Variants in PDZD8 observed in about 807,000 individuals in gnomAD.
PDZD8 encodes PDZ domain-containing protein 8.
A neutral mutation model predicts 85.8 loss-of-function variants in PDZD8; 14 were observed. The observed-to-expected ratio is 0.16, with a 90% CI of 0.11 to 0.26. PDZD8 has a LOEUF of 0.26. Ranked by LOEUF, PDZD8 falls within the 10% of genes least tolerant of loss-of-function variation. PDZD8 has a pLI of 1.00. For missense variants in PDZD8, 1,197 were observed against 1,424.3 expected, an observed-to-expected ratio of 0.84 and a Z score of 2.57; for synonymous variants, 592 against 568.6, an observed-to-expected ratio of 1.04 and a Z score of -0.59.
At chr10:117,320,357 C>T (rs1475298821) in intron 2 of PDZD8, among the ~76,000 whole-genome samples, 1 of 152,088 alleles carries the variant, frequency 6.6e-6, no homozygotes, top group Admixed American at 6.6e-5. Context: ...AGGTATAAAT[C>T]TTCAGAATTC....
intron 3 of PDZD8, among the ~76,000 whole-genome samples, chr10:117,298,385 C>T (rs1843790582): frequency 6.6e-6 from 1 of 152,044 alleles, no homozygotes. Flanking sequence ...TTGGGGGTTA[C>T]CTTTTTTCTC....
chr10:117,290,264 T>TCC lies in PDZD8; in HGVS notation c.1182_1183insGG (p.Ile395GlyfsTer29). On this transcript the variant is annotated frameshift_variant, in exon 4 of 5. Coordinates refer to ENST00000334464, the MANE Select transcript of PDZD8 (RefSeq NM_173791.5). LOFTEE classifies it high-confidence loss of function. ...GAGTTTGGAGCCACAGTTTCAATGA[T>TCC]GACGTGCCCAGCATACCCATCAGTT... 6.2e-7 allele frequency: 1 copy of TCC among 1,614,088 alleles called. No individual in the cohort carries two copies. The highest frequency in any genetic ancestry group is 8.5e-7 in the Non-Finnish European group (1 of 1,179,950).
chr10:117,302,093 A>C (rs1487632485), intron 3 of PDZD8, among the ~76,000 whole-genome samples: 1 of 152,250 alleles, frequency 6.6e-6, no homozygotes, highest in Non-Finnish European at 1.5e-5. Context: ...GAAACAAAAT[A>C]CTGAGCTTCT....
At chr10:117,363,102 T>C (rs1182941050) in intron 1 of PDZD8, among the ~76,000 whole-genome samples, 1 of 152,102 alleles carries the variant, frequency 6.6e-6, no homozygotes, top group Non-Finnish European at 1.5e-5. Context: ...ATAATTACCA[T>C]ACAAATGAAA....
In PDZD8 at chr10:117,362,705, T is replaced by G. The variant is rs1845018822; in HGVS notation, c.872+11651A>C. Among the ~76,000 whole-genome samples the G allele has an allele frequency of 2.0e-5, 3 of 152,118 alleles. No homozygotes were observed. In the South Asian group the frequency reaches 6.2e-4, roughly 31 times the overall value. Reference sequence around the variant, plus strand: ...CAAATATTTTAAGTAGATAATTTACTCACTTTAAGTAAGCAATTTACCTAA... The same window carrying G: ...CAAATATTTTAAGTAGATAATTTACGCACTTTAAGTAAGCAATTTACCTAA... On this transcript the variant is annotated intron_variant, in intron 1 of 4. Coordinates refer to ENST00000334464, the MANE Select transcript of PDZD8 (RefSeq NM_173791.5).
At chr10:117,361,392 G>A (rs1004607398) in intron 1 of PDZD8, among the ~76,000 whole-genome samples, 3 of 152,092 alleles carry the variant, frequency 2.0e-5, no homozygotes, top group Admixed American at 1.3e-4. Flanking sequence ...TTGCTCTCTG[G>A]ACAAAGATGG....
At chr10:117,359,062 A>AT (rs57182574) in intron 1 of PDZD8, among the ~76,000 whole-genome samples, 4,236 of 151,514 alleles carry the variant, frequency 0.028, 219 homozygotes, top group African/African-American at 0.099. Context: ...ATGCTAGTTG[A>AT]TTTTTTTTAA....
In PDZD8 at chr10:117,370,918, TTGTGTGTGTGTGTG is replaced by T. The variant is rs71475194; in HGVS notation, c.872+3424_872+3437del. Among the ~76,000 whole-genome samples, 35 of 146,328 alleles carry T rather than the reference TTGTGTGTGTGTGTG, an allele frequency of 2.4e-4. 1 individual carries two copies. Among genetic ancestry groups the T allele is most frequent in the Admixed American group, 2.3e-3 (34 of 14,620 alleles). ...ATAAATCACTTAAGAACAACATAGT[TTGTGTGTGTGTGTG>T]TGTGTGTGTGTGTGTGTGTGTTTAA... On this transcript the variant is annotated intron_variant, in intron 1 of 4. Transcript: ENST00000334464.
chr10:117,367,600 A>C (rs1845112401), intron 1 of PDZD8, among the ~76,000 whole-genome samples: 1 of 152,200 alleles, frequency 6.6e-6, no homozygotes, highest in South Asian at 2.1e-4. Flanking sequence ...GCAAGAAGTA[A>C]AATCAGCACT....
At chr10:117,361,510 G>A (rs532206650) in intron 1 of PDZD8, among the ~76,000 whole-genome samples, 31 of 152,140 alleles carry the variant, frequency 2.0e-4, no homozygotes, top group Non-Finnish European at 4.0e-4. Flanking sequence ...CTGAAGTCTT[G>A]TGGACTGAAA....
chr10:117,373,485 C>T (rs1291095729), intron 1 of PDZD8, among the ~76,000 whole-genome samples: 5 of 151,472 alleles, frequency 3.3e-5, no homozygotes, highest in Non-Finnish European at 7.4e-5. Flanking sequence ...GGGCCGGGCG[C>T]GGTGGTTCAC....
chr10:117,327,643 A>G (rs950805174), intron 2 of PDZD8, among the ~76,000 whole-genome samples: 1 of 152,160 alleles, frequency 6.6e-6, no homozygotes, highest in African/African-American at 2.4e-5. Flanking sequence ...GGCTGTCCTG[A>G]TTCATGAATC....
chr10:117,334,806 C>G (rs943432169), intron 2 of PDZD8, among the ~76,000 whole-genome samples: 1 of 151,980 alleles, frequency 6.6e-6, no homozygotes, highest in African/African-American at 2.4e-5. Context: ...TGAAATTAGA[C>G]CACGTGAATT....
At chr10:117,286,572 C>A (rs1844668465) in intron 4 of PDZD8, among the ~76,000 whole-genome samples, 1 of 152,218 alleles carries the variant, frequency 6.6e-6, no homozygotes. Flanking sequence ...TGGAACTTGT[C>A]CACATCAAAG....
At chr10:117,321,750 A>T (rs956107169) in intron 2 of PDZD8, among the ~76,000 whole-genome samples, 2 of 152,178 alleles carry the variant, frequency 1.3e-5, no homozygotes, top group Non-Finnish European at 2.9e-5. Flanking sequence ...AGATTTTTTT[A>T]AAAAGATGTA....
rs1185597052 is a variant in PDZD8, at chr10:117,283,475, A to C, written c.3258T>G (p.Ala1086=). The change falls in exon 5 of 5, where the codon GCT becomes GCG. Residue 1086 remains alanine, a synonymous_variant. Coordinates refer to ENST00000334464, the MANE Select transcript of PDZD8 (RefSeq NM_173791.5). ...ALAKSGERLQ[A]LTLLMIHYRA... ...TGTAGTGAATCATAAGAAGTGTTAG[A>C]GCTTGTAGCCTTTCACCTGATTTAG... 6.2e-7 allele frequency: 1 copy of C among 1,614,168 alleles called. No homozygotes were observed. The highest frequency in any genetic ancestry group is 8.5e-7 in the Non-Finnish European group (1 of 1,180,000).
At position 117,374,350 on chromosome 10, in the gene PDZD8, G is replaced by A. The variant is rs766640501; in HGVS notation, c.872+6C>T. The A allele has an allele frequency of 1.2e-5, 19 of 1,611,036 alleles. No individual in the cohort carries two copies. The highest frequency in any genetic ancestry group is 1.4e-5 in the Non-Finnish European group (17 of 1,177,574). Reference sequence around the variant, plus strand: ...AGCCAGGCCCCCTCCCCGACCTCCAGCTCACCTGATCTTGTAATTCGGTAG... The same window carrying A: ...AGCCAGGCCCCCTCCCCGACCTCCAACTCACCTGATCTTGTAATTCGGTAG... On this transcript the variant is annotated splice_donor_region_variant and intron_variant, in intron 1 of 4. Coordinates refer to ENST00000334464, the MANE Select transcript of PDZD8 (RefSeq NM_173791.5). The surrounding 1 kb of genome is among the most constrained non-coding windows in gnomAD (Gnocchi z 7.8).
chr10:117,339,128 C>CAAAAAAA (rs71013660), intron 2 of PDZD8, among the ~76,000 whole-genome samples: 2 of 129,408 alleles, frequency 1.5e-5, no homozygotes, highest in East Asian at 2.5e-4. Context: ...TGGACTTAAC[C>CAAAAAAA]AAAAAAAAAA....
At chr10:117,319,946 T>C (rs1844201238) in intron 2 of PDZD8, among the ~76,000 whole-genome samples, 3 of 151,812 alleles carry the variant, frequency 2.0e-5, no homozygotes, top group Admixed American at 1.3e-4. Context: ...TAAAACACAT[T>C]AGAGAAATTT....
Sources: gnomAD v4.1 joint callset for allele counts (sites outside exome capture counted in the v4.1 genomes callset) on GRCh38, gnomAD v4.1.1 for gene constraint, Gnocchi (gnomAD v3.1) non-coding constraint, MANE v1.5 for transcripts, NCBI Gene and HGNC (gene_info 2026-07-23, HGNC 2026-07-21) for gene names.